AADAC: variants seen among roughly 807,000 people sequenced by gnomAD.
AADAC encodes arylacetamide deacetylase (esterase).
Under a neutral mutation model 22.7 loss-of-function variants are expected in AADAC, and 17 were observed. That is an observed-to-expected ratio of 0.75 (90% confidence interval 0.51 to 1.12). The LOEUF (loss-of-function observed/expected upper bound fraction) is 1.12, where lower values mean the gene tolerates loss of function less well. Among genes scored for constraint, AADAC ranks in the 50% most tolerant of loss-of-function variants. The pLI, the probability that AADAC is intolerant of heterozygous loss-of-function variation, is 0.00. For missense variants in AADAC, 465 were observed against 473.9 expected, an observed-to-expected ratio of 0.98 and a Z score of 0.17; for synonymous variants, 167 against 176.3, an observed-to-expected ratio of 0.95 and a Z score of 0.42.
rs141982674 is a variant in AADAC, at chr3:151,828,042, G to T, written c.1070G>T (p.Arg357Leu). The change falls in exon 5 of 5, where the codon CGC (arginine) becomes CTC (leucine). Residue 357 changes from arginine to leucine, a missense_variant. By Grantham distance (102) the Arg-to-Leu change is moderately radical (BLOSUM62 -2). Coordinates refer to ENST00000232892, the MANE Select transcript of AADAC (RefSeq NM_001086.3). ...GGACTCATGTATGTCACCCGACTTC[G>T]CAACACTGGGGTTCAGGTGACTCAT... ...DDGLMYVTRLRNTGVQVTHNH... is the reference protein window; with the variant it reads ...DDGLMYVTRLLNTGVQVTHNH... The T allele has an allele frequency of 6.2e-7, 1 of 1,613,192 alleles. No individual in the cohort carries two copies.
intron 3 of AADAC, among the ~76,000 whole-genome samples, chr3:151,822,890 TATGA>T (rs1028305974): frequency 3.3e-5 from 5 of 152,092 alleles, no homozygotes; most frequent in African/African-American, 1.2e-4. Context: ...TTTTATGGGT[TATGA>T]ATATCTCGGT....
At chr3:151,827,457 T>C (rs1437102329) in intron 4 of AADAC, 119 bp from the exon 5 acceptor site, 4 of 629,936 alleles carry the variant, frequency 6.3e-6, no homozygotes, top group Non-Finnish European at 2.6e-6. Flanking sequence ...TTAAGTCTTT[T>C]TGAGATCATG....
rs905657529 is a variant in AADAC at position 151,826,436 on chromosome 3, G to A, written c.604-1140G>A. ...TGAATAAATTTATATAAAAATACCT[G>A]GCAACTTGTAACAATCTTTACAAAT... On this transcript the variant is annotated intron_variant, in intron 4 of 4. Transcript: ENST00000232892. 1.1e-4 allele frequency among the ~76,000 whole-genome samples: 16 copies of A among 151,604 alleles called. 1 individual carries two copies. Among genetic ancestry groups the A allele is most frequent in the Admixed American group, 9.9e-4 (15 of 15,214 alleles).
chr3:151,824,782 G>A lies in AADAC; in HGVS notation c.551G>A (p.Gly184Asp), dbSNP rs1389735094. 2 of 1,607,046 alleles carry A rather than the reference G, an allele frequency of 1.2e-6. No individual in the cohort carries two copies. Among genetic ancestry groups the A allele is most frequent in the Admixed American group, 1.7e-5 (1 of 58,854 alleles). Residue 184 changes from glycine (G) to aspartate (D), a missense_variant, in exon 4 of 5, where the codon GGT (glycine) becomes GAT (aspartate). Gly to Asp is a moderately conservative substitution (Grantham distance 94). Coordinates refer to ENST00000232892, the MANE Select transcript of AADAC (RefSeq NM_001086.3). ...TATGGTGTGAACCCTGAGAGAATCG[G>A]TATTTCTGGAGATAGTGCAGGAGGG... is the stretch of plus-strand genomic sequence containing the variant. Reference protein sequence around the residue: ...AKYGVNPERIGISGDSAGGNL... With the variant: ...AKYGVNPERIDISGDSAGGNL...
chr3:151,818,736 T>G (rs1486038519), intron 2 of AADAC, among the ~76,000 whole-genome samples: 1 of 152,104 alleles, frequency 6.6e-6, no homozygotes, highest in Admixed American at 6.6e-5. Context: ...AGAGGCAGCT[T>G]TAGGCTAAAC....
rs530958340 is a variant in AADAC at position 151,825,506 on chromosome 3, C to T, written c.603+672C>T. 9.2e-5 allele frequency among the ~76,000 whole-genome samples: 14 copies of T among 151,900 alleles called. No homozygotes were observed. The East Asian group carries it at 1.3e-3, about 15-fold the overall frequency. The stretch of plus-strand genomic sequence containing the variant: ...CCTATTACGCTATTAGAGATTCAGA[C>T]GAATTCATATAATCTTCGATGGTGT... On this transcript the variant is annotated intron_variant, in intron 4 of 4. Coordinates refer to ENST00000232892, the MANE Select transcript of AADAC (RefSeq NM_001086.3).
At chr3:151,819,929 C>T (rs8193027) in intron 2 of AADAC, among the ~76,000 whole-genome samples, 24,198 of 151,954 alleles carry the variant, frequency 0.16, 2,195 homozygotes, top group Middle Eastern at 0.21. Flanking sequence ...TCTATTGTCC[C>T]ATGCAGACTT....
intron 1 of AADAC, 123 bp from the exon 2 acceptor site, chr3:151,817,243 C>A: frequency 1.3e-6 from 1 of 784,808 alleles, no homozygotes; most frequent in Non-Finnish European, 2.0e-6. Context: ...AAGCAGGATT[C>A]ATGCATGAAA....
intron 3 of AADAC, among the ~76,000 whole-genome samples, chr3:151,823,964 T>A (rs1404230568): frequency 1.3e-5 from 2 of 152,068 alleles, no homozygotes; most frequent in African/African-American, 2.4e-5. Flanking sequence ...AGTGAATTTT[T>A]AAATTTGCAT....
chr3:151,814,556 G>T (rs915952843), intron 1 of AADAC, among the ~76,000 whole-genome samples: 1 of 151,946 alleles, frequency 6.6e-6, no homozygotes, highest in Non-Finnish European at 1.5e-5. Flanking sequence ...CTTTGTTTAG[G>T]TAGCTTTAAT....
In AADAC at chr3:151,814,207, A is replaced by G; in HGVS notation, c.45A>G (p.Ile15Met). Residue 15 changes from isoleucine (I) to methionine (M), a missense_variant, in exon 1 of 5, where the codon ATA (isoleucine) becomes ATG (methionine). Transcript: ENST00000232892. ...ACCTTCTGATTGTGGGGATCCTCAT[A>G]GCATATTATATTTATACGCCTCTCC... ...SLYLLIVGIL[I>M]AYYIYTPLPD... is the part of the protein sequence containing the mutation. 1 of 1,613,328 alleles carries G rather than the reference A, an allele frequency of 6.2e-7. No individual in the cohort carries two copies. Among genetic ancestry groups the G allele is most frequent in the Non-Finnish European group, 8.5e-7 (1 of 1,179,454 alleles).
chr3:151,826,431 T>C (rs2108036046), intron 4 of AADAC, among the ~76,000 whole-genome samples: 1 of 151,980 alleles, frequency 6.6e-6, no homozygotes, highest in African/African-American at 2.4e-5. Flanking sequence ...TATATAAAAA[T>C]ACCTGGCAAC....
chr3:151,828,277 G>A lies in AADAC; in HGVS notation c.*105G>A. On this transcript the variant is annotated 3_prime_UTR_variant, in exon 5 of 5. Transcript: ENST00000232892. The stretch of plus-strand genomic sequence containing the variant: ...AGAATGGTCTAGTTAAGTTCCACAT[G>A]TAGCATAATTCTTAAATAGGCACTT... 1.7e-6 allele frequency: 1 copy of A among 595,050 alleles called. No homozygotes were observed. The highest frequency in any genetic ancestry group is 3.3e-5 in the East Asian group (1 of 30,246). The allele number at this position is 595,050 out of a possible 1,614,324, so 36.9% of individuals were successfully genotyped here. A position where few individuals can be genotyped will look rare whatever the true frequency, so the allele number is the denominator to read the frequency against.
rs2108038143 is a variant in AADAC at position 151,828,104 on chromosome 3, T to C, written c.1132T>C (p.Phe378Leu). 1.2e-6 allele frequency: 2 copies of C among 1,609,692 alleles called. No individual in the cohort carries two copies. The highest frequency in any genetic ancestry group is 4.5e-5 in the East Asian group (2 of 44,822). Residue 378 changes from phenylalanine to leucine, a missense_variant, in exon 5 of 5, where the codon TTT becomes CTT. Transcript: ENST00000232892. ...VEDGFHGAFS[F>L]LGLKISHRLI... is the part of the protein sequence containing the mutation. ...GGATGGATTCCATGGAGCATTTTCA[T>C]TTCTGGGACTTAAAATTAGTCACAG... is the stretch of plus-strand genomic sequence containing the variant.
chr3:151,814,292 CA>C lies in AADAC; in HGVS notation c.134del (p.Asn45IlefsTer37). The C allele has an allele frequency of 6.2e-7, 1 of 1,610,762 alleles. No individual in the cohort carries two copies. The highest frequency in any genetic ancestry group is 8.5e-7 in the Non-Finnish European group (1 of 1,178,602). On this transcript the variant is annotated frameshift_variant, in exon 1 of 5. Coordinates refer to ENST00000232892, the MANE Select transcript of AADAC (RefSeq NM_001086.3). LOFTEE classifies it high-confidence loss of function. ...MWINAHLKTI[Q>X]NLATFVELLG... ...GATAAACGCACATCTGAAAACTATA[CA>C]AAATTTGGTAAGTTTGGAATTTTAT...
chr3:151,817,976 C>T (rs1395444310), intron 2 of AADAC, among the ~76,000 whole-genome samples: 1 of 151,928 alleles, frequency 6.6e-6, no homozygotes, highest in East Asian at 1.9e-4. Flanking sequence ...AATTTCCTCA[C>T]GCCTGTAATC....
chr3:151,827,962 T>C lies in AADAC; in HGVS notation c.990T>C (p.Arg330=), dbSNP rs2108037875. 1.2e-6 allele frequency: 2 copies of C among 1,611,362 alleles called. No individual in the cohort carries two copies. The highest frequency in any genetic ancestry group is 1.7e-6 in the Non-Finnish European group (2 of 1,178,262). The change falls in exon 5 of 5, where the codon CGT becomes CGC. Residue 330 remains arginine, a synonymous_variant. Coordinates refer to ENST00000232892, the MANE Select transcript of AADAC (RefSeq NM_001086.3). The part of the protein sequence containing the change: ...APLLADDNKL[R]GLPLTYVITC... ...TGTTGGCTGATGACAACAAATTACG[T>C]GGCTTACCCCTGACCTATGTCATCA...
At position 151,814,794 on chromosome 3, in the gene AADAC, G is replaced by A. The variant is rs142521080; in HGVS notation, c.138+494G>A. Among the ~76,000 whole-genome samples, 15 of 152,054 alleles carry A rather than the reference G, an allele frequency of 9.9e-5. No individual in the cohort carries two copies. The South Asian group carries it at 2.3e-3, about 23-fold the overall frequency. On this transcript the variant is annotated intron_variant, in intron 1 of 4. Transcript: ENST00000232892. Reference sequence around the variant, plus strand: ...ACATGCCTAGGGTTAACCACGAGACGGCACAATATGCACAAATGAGAGGGG... The same window carrying A: ...ACATGCCTAGGGTTAACCACGAGACAGCACAATATGCACAAATGAGAGGGG...
chr3:151,822,610 T>C (rs528922545), intron 3 of AADAC, among the ~76,000 whole-genome samples: 24 of 152,166 alleles, frequency 1.6e-4, no homozygotes, highest in African/African-American at 5.8e-4. Flanking sequence ...GAAAATATTA[T>C]GCTAGATGAA....
Sources: gnomAD v4.1 joint callset for allele counts (sites outside exome capture counted in the v4.1 genomes callset) on GRCh38, gnomAD v4.1.1 for gene constraint, MANE v1.5 for transcripts, NCBI Gene and HGNC (gene_info 2026-07-23, HGNC 2026-07-21) for gene names.